PRKG1: variants seen among roughly 807,000 people sequenced by gnomAD.
PRKG1 encodes cGMP-dependent protein kinase 1.
Under a neutral mutation model 88.1 loss-of-function variants are expected in PRKG1, and 35 were observed. The observed-to-expected ratio is 0.40, with a 90% CI of 0.30 to 0.53. The LOEUF (loss-of-function observed/expected upper bound fraction) is 0.53. Among genes scored for constraint, PRKG1 ranks in the 20% least tolerant of loss-of-function variants. PRKG1 has a pLI of 0.59. For synonymous variants in PRKG1, 303 were observed against 292.5 expected (o/e 1.04, Z -0.37); for missense variants, 540 against 839.8 (o/e 0.64, Z 4.41).
chr10:52,163,471 A>G (rs574711147), intron 9 of PRKG1, among the ~76,000 whole-genome samples: 198 of 151,986 alleles, frequency 1.3e-3, no homozygotes, highest in African/African-American at 4.7e-3. Context: ...ATTAATTAAT[A>G]GAAAAATTCA....
chr10:51,958,466 T>A (rs1439114289), intron 5 of PRKG1, among the ~76,000 whole-genome samples: 1 of 151,340 alleles, frequency 6.6e-6, no homozygotes, highest in Admixed American at 6.6e-5. Context: ...TGGACCAGAG[T>A]TTTTTTTAGG....
intron 3 of PRKG1, among the ~76,000 whole-genome samples, chr10:51,798,756 A>G (rs1300386917): frequency 1.3e-5 from 2 of 152,138 alleles, no homozygotes; most frequent in East Asian, 1.9e-4. Context: ...TGTAGAAAGT[A>G]AAAGAGAATT....
intron 2 of PRKG1, among the ~76,000 whole-genome samples, chr10:51,410,238 A>ATGTGTG (rs762105037): frequency 0.036 from 5,230 of 143,732 alleles, 288 homozygotes; most frequent in African/African-American, 0.12. Context: ...GTGTGTGTGT[A>ATGTGTG]TGTGTGTGTG....
intron 5 of PRKG1, among the ~76,000 whole-genome samples, chr10:51,993,323 A>G (rs1397278696): frequency 6.6e-6 from 1 of 151,804 alleles, no homozygotes; most frequent in Non-Finnish European, 1.5e-5. Context: ...AAAACTTCTC[A>G]TTAAAAAAAA....
At chr10:52,275,021 T>C (rs2132438476) in intron 12 of PRKG1, among the ~76,000 whole-genome samples, 1 of 152,218 alleles carries the variant, frequency 6.6e-6, no homozygotes, top group Middle Eastern at 3.4e-3. Flanking sequence ...CCACTTTTCA[T>C]TGGATTATTT....
chr10:51,155,957 G>A (rs1404360795), intron 2 of PRKG1, among the ~76,000 whole-genome samples: 5 of 151,936 alleles, frequency 3.3e-5, no homozygotes, highest in East Asian at 1.9e-4. Context: ...AAGTTGACAT[G>A]TAAAATTAAA....
intron 3 of PRKG1, among the ~76,000 whole-genome samples, chr10:51,624,039 A>C (rs979278853): frequency 2.6e-5 from 4 of 151,936 alleles, no homozygotes; most frequent in Non-Finnish European, 5.9e-5. Context: ...TCCATTAACC[A>C]CTCATATTTT....
intron 2 of PRKG1, among the ~76,000 whole-genome samples, chr10:51,399,242 G>T (rs1188398108): frequency 6.6e-6 from 1 of 152,016 alleles, no homozygotes; most frequent in African/African-American, 2.4e-5. Context: ...GTTATTATAA[G>T]GAAATGGCTT....
At chr10:52,158,691 G>A (rs926835254) in intron 8 of PRKG1, among the ~76,000 whole-genome samples, 1 of 151,588 alleles carries the variant, frequency 6.6e-6, no homozygotes. Flanking sequence ...GAATCTATCA[G>A]CAAGACACAT....
intron 2 of PRKG1, among the ~76,000 whole-genome samples, chr10:51,417,728 A>G (rs1349379527): frequency 2.0e-5 from 3 of 152,138 alleles, no homozygotes. Context: ...GATTGTCTCA[A>G]ACTGACACCT....
At chr10:52,243,248 A>G (rs1875794) in intron 9 of PRKG1, among the ~76,000 whole-genome samples, 71,136 of 152,110 alleles carry the variant, frequency 0.47, 18,798 homozygotes, top group Non-Finnish European at 0.61. Flanking sequence ...GTAAAAGAAC[A>G]TATTACTCAA....
intron 2 of PRKG1, among the ~76,000 whole-genome samples, chr10:51,224,469 A>T (rs1235196814): frequency 6.6e-6 from 1 of 152,256 alleles, no homozygotes; most frequent in Non-Finnish European, 1.5e-5. Flanking sequence ...GAATATTTTC[A>T]GACATCAAAC....
intron 5 of PRKG1, among the ~76,000 whole-genome samples, chr10:52,015,866 G>A (rs4935304): frequency 0.26 from 38,968 of 152,196 alleles, 5,463 homozygotes; most frequent in Non-Finnish European, 0.33. Flanking sequence ...AATGCTGCCA[G>A]TGTCTTTGCT....
intron 3 of PRKG1, among the ~76,000 whole-genome samples, chr10:51,518,705 G>A (rs1841659553): frequency 6.6e-6 from 1 of 152,156 alleles, no homozygotes; most frequent in African/African-American, 2.4e-5. Context: ...TACTTAGGGG[G>A]TGGATTTGAA....
rs1161436418 is a variant in PRKG1, at chr10:51,930,229, T to C, written c.762+22659T>C. ...AAGTAGAATGGTGTTTGAGATGGAG[T>C]GGGGGGAGGAAAATGAGGAGTTACT... On this transcript the variant is annotated intron_variant, in intron 5 of 17. Coordinates refer to ENST00000373980, the MANE Select transcript of PRKG1 (RefSeq NM_006258.4). 3.3e-5 allele frequency among the ~76,000 whole-genome samples: 5 copies of C among 151,930 alleles called. No individual in the cohort carries two copies. In the East Asian group the frequency reaches 7.7e-4, roughly 23 times the overall value.
In PRKG1 at chr10:52,165,660, T is replaced by A. The variant is rs191627256; in HGVS notation, c.1076+3697T>A. On this transcript the variant is annotated intron_variant, in intron 9 of 17. Coordinates refer to ENST00000373980, the MANE Select transcript of PRKG1 (RefSeq NM_006258.4). ...TTTCTTAAAGCTCGACTAAAATGAT[T>A]ATGTTAGTTATCCATGGGAAATGGA... 3.9e-5 allele frequency among the ~76,000 whole-genome samples: 6 copies of A among 152,266 alleles called. No individual in the cohort carries two copies. The East Asian group carries it at 9.7e-4, about 25-fold the overall frequency.
At chr10:51,465,508 T>C (rs557500302) in intron 2 of PRKG1, among the ~76,000 whole-genome samples, 2 of 152,198 alleles carry the variant, frequency 1.3e-5, no homozygotes, top group Non-Finnish European at 2.9e-5. Context: ...TTGTTACATA[T>C]TATTCTTTGG....
intron 10 of PRKG1, among the ~76,000 whole-genome samples, chr10:52,254,946 T>C (rs1841272867): frequency 6.6e-6 from 1 of 152,088 alleles, no homozygotes; most frequent in Non-Finnish European, 1.5e-5. Context: ...TTGTTTAATA[T>C]CAGACAGTAT....
At chr10:51,027,581 TC>T (rs1379338072) in intron 1 of PRKG1, among the ~76,000 whole-genome samples, 1 of 152,214 alleles carries the variant, frequency 6.6e-6, no homozygotes, top group Non-Finnish European at 1.5e-5. Context: ...TTTAAAATGA[TC>T]ACATTGAGAA....
Sources: allele counts gnomAD v4.1 joint callset (sites outside exome capture counted in the v4.1 genomes callset), GRCh38; gene constraint gnomAD v4.1.1; transcripts MANE v1.5; gene names NCBI Gene and HGNC (gene_info 2026-07-23, HGNC 2026-07-21).